Variants in HDX observed in about 807,000 individuals in gnomAD.
HDX encodes the protein highly divergent homeobox.
HDX carries 19 observed loss-of-function variants against 45.2 expected under a neutral mutation model. The observed-to-expected ratio is 0.42, with a 90% CI of 0.29 to 0.62. The LOEUF (loss-of-function observed/expected upper bound fraction) is 0.62, where lower values mean the gene tolerates loss of function less well. HDX is among the 20% of genes least tolerant of loss of function. HDX has a pLI of 0.20. For synonymous variants in HDX, 188 were observed against 172.8 expected (o/e 1.09, Z -0.69); for missense variants, 532 against 493.9 (o/e 1.08, Z -0.73).
At chrX:84,412,031 C>T (rs2038999169) in intron 5 of HDX, among the ~76,000 whole-genome samples, 1 of 111,486 alleles carries the variant, frequency 9.0e-6, no homozygotes, top group South Asian at 3.7e-4. Context: ...TTTTATCCAT[C>T]CCTTTTCTTT....
intron 2 of HDX, among the ~76,000 whole-genome samples, chrX:84,485,113 T>G (rs1459528792): frequency 8.9e-6 from 1 of 112,072 alleles, no homozygotes; most frequent in Non-Finnish European, 1.9e-5. Context: ...ACATACTTTT[T>G]ATCATTTCAA....
intron 5 of HDX, among the ~76,000 whole-genome samples, chrX:84,374,283 T>C (rs1029368170): frequency 6.3e-4 from 69 of 109,823 alleles, no homozygotes; most frequent in Non-Finnish European, 2.8e-4. Context: ...TGGAAGAACA[T>C]TCCATGCTCA....
chrX:84,364,024 A>G (rs5922971), intron 5 of HDX, among the ~76,000 whole-genome samples: 25,888 of 111,183 alleles, frequency 0.23, 2,789 homozygotes, highest in Admixed American at 0.36. Context: ...GCAATGTATA[A>G]TAATAGAAAT....
intron 6 of HDX, among the ~76,000 whole-genome samples, chrX:84,353,725 A>T (rs964156075): frequency 9.0e-6 from 1 of 111,167 alleles, no homozygotes; most frequent in East Asian, 2.8e-4. Flanking sequence ...GAGTATATAG[A>T]CTGTTAAGAA....
At chrX:84,348,877 G>C (rs2037265922) in intron 6 of HDX, among the ~76,000 whole-genome samples, 1 of 111,907 alleles carries the variant, frequency 8.9e-6, no homozygotes, top group Non-Finnish European at 1.9e-5. Context: ...GCTCTTAAAA[G>C]CAGGCTTTCT....
chrX:84,357,470 G>T lies in HDX; in HGVS notation c.1452+3996C>A, dbSNP rs180958290. Among the ~76,000 whole-genome samples the T allele has an allele frequency of 2.8e-3, 315 of 111,724 alleles. 1 individual carries two copies. Among genetic ancestry groups the T allele is most frequent in the African/African-American group, 1.0e-2 (307 of 30,802 alleles). ...TAAGTTATGCAGAAAAGGAAAAAAT[G>T]ATATTTCACTACATAATTCAAATGT... On this transcript the variant is annotated intron_variant, in intron 6 of 10. Transcript: ENST00000373177.
At chrX:84,391,101 T>A (rs141333887) in intron 5 of HDX, among the ~76,000 whole-genome samples, 8 of 111,783 alleles carry the variant, frequency 7.2e-5, no homozygotes, top group Non-Finnish European at 1.1e-4. Flanking sequence ...AAACCTTTTT[T>A]AATCACCCCT....
At position 84,422,544 on chromosome X, in the gene HDX, TGAAAAG is replaced by T. The variant is rs778280362; in HGVS notation, c.1305+17982_1305+17987del. 4.0e-4 allele frequency among the ~76,000 whole-genome samples: 44 copies of T among 109,684 alleles called. No individual in the cohort carries two copies. In the South Asian group the frequency reaches 0.014, roughly 36 times the overall value. ...TTAAATTAAAGTGAAAAAATTAAGT[TGAAAAG>T]GAAGAGCAAACCAAACCCAAAATTA... On this transcript the variant is annotated intron_variant, in intron 5 of 10. Transcript: ENST00000373177.
chrX:84,351,835 G>A (rs139709038), intron 6 of HDX, among the ~76,000 whole-genome samples: 9,338 of 111,195 alleles, frequency 0.084, 397 homozygotes, highest in East Asian at 0.26. Context: ...GAGAAGAATA[G>A]GGAAAATTAT....
chrX:84,479,365 A>G (rs767608657), intron 2 of HDX, among the ~76,000 whole-genome samples: 2 of 111,875 alleles, frequency 1.8e-5, no homozygotes, highest in Non-Finnish European at 3.8e-5. Context: ...TTTGAGATAA[A>G]TCTGTGTTGC....
At chrX:84,435,243 G>T (rs755899601) in intron 5 of HDX, among the ~76,000 whole-genome samples, 97 of 111,222 alleles carry the variant, frequency 8.7e-4, no homozygotes, top group African/African-American at 2.9e-3. Flanking sequence ...TAAGAAAAAT[G>T]CTTGCCATTC....
intron 10 of HDX, among the ~76,000 whole-genome samples, chrX:84,324,304 G>C (rs1037432942): frequency 5.4e-5 from 6 of 111,178 alleles, no homozygotes; most frequent in African/African-American, 2.0e-4. Context: ...GTGACATGTG[G>C]TTGTCTTTTA....
chrX:84,396,209 T>C (rs760768465), intron 5 of HDX, among the ~76,000 whole-genome samples: 11 of 112,577 alleles, frequency 9.8e-5, no homozygotes, highest in African/African-American at 3.5e-4. Context: ...TTTGTTTTCA[T>C]AGGGGAAGAC....
intron 9 of HDX, among the ~76,000 whole-genome samples, chrX:84,327,173 CTT>C (rs1249362525): frequency 1.8e-5 from 2 of 111,622 alleles, no homozygotes; most frequent in African/African-American, 6.5e-5. Flanking sequence ...ATCAGTTACT[CTT>C]TACTATTTTT....
intron 5 of HDX, among the ~76,000 whole-genome samples, chrX:84,375,214 A>G (rs1367403388): frequency 1.8e-5 from 2 of 109,553 alleles, no homozygotes; most frequent in Middle Eastern, 9.3e-3. Context: ...CACACCAGTT[A>G]GAATGGCAAT....
intron 5 of HDX, among the ~76,000 whole-genome samples, chrX:84,437,924 G>T (rs1165755515): frequency 9.0e-6 from 1 of 111,054 alleles, no homozygotes. Context: ...GAACGTCCTG[G>T]TCTAGCAGGA....
chrX:84,363,516 A>G (rs1033029603), intron 5 of HDX, among the ~76,000 whole-genome samples: 1 of 112,120 alleles, frequency 8.9e-6, no homozygotes, highest in East Asian at 2.8e-4. Flanking sequence ...CATTCTTTAA[A>G]CTGACCTAAA....
At chrX:84,337,269 T>C (rs2036986803) in intron 7 of HDX, among the ~76,000 whole-genome samples, 1 of 111,129 alleles carries the variant, frequency 9.0e-6, no homozygotes, top group Non-Finnish European at 1.9e-5. Context: ...TAACAAAATC[T>C]ATTGTGTGGA....
intron 3 of HDX, among the ~76,000 whole-genome samples, chrX:84,473,929 T>A (rs768767706): frequency 1.8e-5 from 2 of 112,371 alleles, no homozygotes; most frequent in East Asian, 2.8e-4. Flanking sequence ...TGTTTAGAGC[T>A]GTTAATAGGA....
Sources: allele counts gnomAD v4.1 joint callset (sites outside exome capture counted in the v4.1 genomes callset), GRCh38; gene constraint gnomAD v4.1.1; transcripts MANE v1.5; gene names NCBI Gene and HGNC (gene_info 2026-07-23, HGNC 2026-07-21).